Variants in ELP2 observed in about 807,000 individuals in gnomAD.
ELP2 encodes elongator acetyltransferase complex subunit 2, also known as elongator complex protein 2.
A neutral mutation model predicts 119.2 loss-of-function variants in ELP2; 90 were observed. The ratio of observed to expected loss-of-function variants is 0.75; its 90% CI spans 0.64 to 0.90. The LOEUF (loss-of-function observed/expected upper bound fraction) is 0.90, where lower values mean the gene tolerates loss of function less well. ELP2 is among the 40% of genes least tolerant of loss of function. ELP2 has a pLI of 0.00. For synonymous variants in ELP2, 339 were observed against 331.0 expected, an observed-to-expected ratio of 1.02 and a Z score of -0.26; for missense variants, 921 against 967.8, an observed-to-expected ratio of 0.95 and a Z score of 0.64.
intron 11 of ELP2, among the ~76,000 whole-genome samples, chr18:36,148,054 G>A (rs1439296749): frequency 8.0e-5 from 12 of 150,714 alleles, no homozygotes; most frequent in Admixed American, 6.6e-4. Context: ...CATGACGTCA[G>A]CATTTTTTCC....
chr18:36,150,088 A>G (rs978587716), intron 11 of ELP2, among the ~76,000 whole-genome samples: 5 of 152,138 alleles, frequency 3.3e-5, no homozygotes, highest in Non-Finnish European at 5.9e-5. Flanking sequence ...GTCAAGACCC[A>G]TTTATAGCTC....
At chr18:36,153,617 C>T (rs927637884) in intron 11 of ELP2, among the ~76,000 whole-genome samples, 1 of 152,192 alleles carries the variant, frequency 6.6e-6, no homozygotes, top group South Asian at 2.1e-4. Context: ...CCCCAGCAGT[C>T]ACAGTCCAGG....
chr18:36,156,188 TA>T (rs1205671688), intron 12 of ELP2, among the ~76,000 whole-genome samples: 3 of 152,176 alleles, frequency 2.0e-5, no homozygotes, highest in African/African-American at 7.2e-5. Context: ...CCACTAACAC[TA>T]CTGCTTGAGT....
At chr18:36,143,421 CTT>C (rs67196641) in intron 8 of ELP2, among the ~76,000 whole-genome samples, 34,673 of 98,512 alleles carry the variant, frequency 0.35, 4,695 homozygotes, top group Middle Eastern at 0.43. Context: ...CGTGCCTGGC[CTT>C]TTTTTTTTTT....
At chr18:36,166,683 A>G (rs1379369471) in intron 18 of ELP2, among the ~76,000 whole-genome samples, 1 of 152,186 alleles carries the variant, frequency 6.6e-6, no homozygotes, top group African/African-American at 2.4e-5. Context: ...AACTTCCCTT[A>G]CACTTAAATC....
At chr18:36,161,698 T>C (rs2090747132) in intron 17 of ELP2, among the ~76,000 whole-genome samples, 1 of 152,224 alleles carries the variant, frequency 6.6e-6, no homozygotes, top group South Asian at 2.1e-4. Flanking sequence ...TTACTTGTTT[T>C]AAATATGATG....
intron 18 of ELP2, 79 bp from the exon 19 acceptor site, chr18:36,167,022 G>A: frequency 7.0e-7 from 1 of 1,435,000 alleles, no homozygotes; most frequent in Non-Finnish European, 9.4e-7. Context: ...TGGTGTATAT[G>A]GCACTTAAAC....
In ELP2 at chr18:36,138,029, C is replaced by G. The variant is rs75092164; in HGVS notation, c.289-241C>G. On this transcript the variant is annotated intron_variant, in intron 3 of 21. Coordinates refer to ENST00000358232, the MANE Select transcript of ELP2 (RefSeq NM_018255.4). The stretch of plus-strand genomic sequence containing the variant: ...AAGAGGAACATTCCACAAAGTTGAC[C>G]TATATTCTTCAGAATACCTATTGTC... The G allele has an allele frequency of 9.3e-4, 435 of 466,022 alleles. 2 individuals carry two copies. The highest frequency in any genetic ancestry group is 8.0e-3 in the African/African-American group (409 of 50,868). The allele number at this position is 466,022 out of a possible 1,614,324, so 28.9% of individuals were successfully genotyped here.
chr18:36,175,177 G>A lies in ELP2; in HGVS notation c.*536G>A, dbSNP rs1467727871. On this transcript the variant is annotated 3_prime_UTR_variant, in exon 22 of 22. Coordinates refer to ENST00000358232, the MANE Select transcript of ELP2 (RefSeq NM_018255.4). Reference sequence around the variant, plus strand: ...CCTGCCTCTGTGTGTCCCAATTTAAGAACCTCTGTTCTTTCTTCATGACTG... The same window carrying A: ...CCTGCCTCTGTGTGTCCCAATTTAAAAACCTCTGTTCTTTCTTCATGACTG... 1.3e-5 allele frequency: 2 copies of A among 152,698 alleles called. No homozygotes were observed. The highest frequency in any genetic ancestry group is 4.8e-5 in the African/African-American group (2 of 41,446). The allele number at this position is 152,698 out of a possible 1,614,324, so 9.5% of individuals were successfully genotyped here.
At position 36,139,498 on chromosome 18, in the gene ELP2, C is replaced by T. The variant is rs746862935; in HGVS notation, c.523+626C>T. 5.2e-6 allele frequency: 8 copies of T among 1,535,704 alleles called. No individual in the cohort carries two copies. In the Admixed American group the frequency reaches 5.9e-5, roughly 11 times the overall value. ...CTCTCGCCCTCTGTAGCAGGAGCTG[C>T]GACTCTATGGTTTCATGTTACGCTT... is the stretch of plus-strand genomic sequence containing the variant. On this transcript the variant is annotated intron_variant, in intron 5 of 21. Coordinates refer to ENST00000358232, the MANE Select transcript of ELP2 (RefSeq NM_018255.4).
chr18:36,158,744 G>A, intron 13 of ELP2, 91 bp from the exon 14 acceptor site: 3 of 900,490 alleles, frequency 3.3e-6, no homozygotes, highest in Non-Finnish European at 5.4e-6. Context: ...TGACTTTTTT[G>A]TAGTGCCTGA....
At chr18:36,170,273 G>C in intron 20 of ELP2, 77 bp downstream of exon 20, 1 of 1,546,112 alleles carries the variant, frequency 6.5e-7, no homozygotes, top group Non-Finnish European at 8.9e-7. Flanking sequence ...CATTTCATTT[G>C]TGAATTCTCC....
chr18:36,146,122 A>G (rs2144653698), intron 10 of ELP2, 74 bp downstream of exon 10: 2 of 1,572,638 alleles, frequency 1.3e-6, no homozygotes, highest in Middle Eastern at 3.3e-4. Flanking sequence ...GTCTATATTG[A>G]TAGACCTGCA....
chr18:36,161,808 T>G (rs751515808), intron 17 of ELP2, among the ~76,000 whole-genome samples: 9 of 152,162 alleles, frequency 5.9e-5, no homozygotes, highest in Non-Finnish European at 8.8e-5. Context: ...CTGCTGTGCT[T>G]CCCCTACACC....
chr18:36,161,868 C>T (rs2090752775), intron 17 of ELP2, among the ~76,000 whole-genome samples: 1 of 152,034 alleles, frequency 6.6e-6, no homozygotes, highest in South Asian at 2.1e-4. Flanking sequence ...AGAGGACTTC[C>T]TTCTCTTATA....
Position 36,156,654 on chromosome 18 carries a change from TGTGA to T in ELP2, c.1464+3_1464+6del, listed in dbSNP as rs2090585319. 1 of 1,613,466 alleles carries T rather than the reference TGTGA, an allele frequency of 6.2e-7. No homozygotes were observed. Among genetic ancestry groups the T allele is most frequent in the Non-Finnish European group, 8.5e-7 (1 of 1,179,424 alleles). ...AATCACTGAATCATGTGCTCTGTAA[TGTGA>T]GTATTTCTCTAAATATTTTACCTAA... On this transcript the variant is annotated splice_donor_variant and splice_donor_region_variant and intron_variant, in intron 13 of 21. Coordinates refer to ENST00000358232, the MANE Select transcript of ELP2 (RefSeq NM_018255.4). LOFTEE classifies it high-confidence loss of function.
chr18:36,166,636 A>C (rs2090917629), intron 18 of ELP2, among the ~76,000 whole-genome samples: 1 of 152,100 alleles, frequency 6.6e-6, no homozygotes, highest in South Asian at 2.1e-4. Context: ...CCTTGCCAAC[A>C]GTTAGGTGTG....
At chr18:36,155,075 C>T (rs1031872405) in intron 12 of ELP2, 76 bp downstream of exon 12, 12 of 1,282,206 alleles carry the variant, frequency 9.4e-6, no homozygotes, top group South Asian at 2.4e-5. Context: ...TGCAATGGCA[C>T]GATCTCAGCT....
intron 12 of ELP2, 145 bp downstream of exon 12, chr18:36,155,144 C>A: frequency 1.5e-6 from 1 of 687,742 alleles, no homozygotes; most frequent in Non-Finnish European, 2.5e-6. Flanking sequence ...TCCCGAGTAG[C>A]TGGGATTATA....
Sources: gnomAD v4.1 joint callset for allele counts (sites outside exome capture counted in the v4.1 genomes callset) on GRCh38, gnomAD v4.1.1 for gene constraint, MANE v1.5 for transcripts, NCBI Gene and HGNC (gene_info 2026-07-23, HGNC 2026-07-21) for gene names.